RAPGEF1: variants seen among roughly 807,000 people sequenced by gnomAD.
RAPGEF1 encodes Rap guanine nucleotide exchange factor 1, also known as CRK SH3-binding GNRP.
A neutral mutation model predicts 143.3 loss-of-function variants in RAPGEF1; 33 were observed. The ratio of observed to expected loss-of-function variants is 0.23; its 90% CI spans 0.17 to 0.31. RAPGEF1 has a LOEUF of 0.31. RAPGEF1 is among the 10% of genes least tolerant of loss of function. The probability of loss-of-function intolerance (pLI) is 1.00; values close to 1 mark genes in which losing one functional copy is unlikely to be tolerated. For missense variants in RAPGEF1, 1,199 were observed against 1,645.4 expected, an observed-to-expected ratio of 0.73 and a Z score of 4.69; for synonymous variants, 629 against 676.5, an observed-to-expected ratio of 0.93 and a Z score of 1.09.
chr9:131,717,633 CATG>C (rs1234045250), intron 1 of RAPGEF1, among the ~76,000 whole-genome samples: 1 of 151,978 alleles, frequency 6.6e-6, no homozygotes, highest in African/African-American at 2.4e-5. Flanking sequence ...ATTAGCGAGG[CATG>C]GTGGTGCATG....
intron 4 of RAPGEF1, among the ~76,000 whole-genome samples, chr9:131,639,983 C>T (rs1406048643): frequency 2.0e-5 from 3 of 152,086 alleles, no homozygotes; most frequent in African/African-American, 7.2e-5. Flanking sequence ...AAAGGGTCGG[C>T]AGGAATGAAA....
chr9:131,585,074 G>A (rs1952491926), intron 22 of RAPGEF1, among the ~76,000 whole-genome samples: 1 of 152,204 alleles, frequency 6.6e-6, no homozygotes, highest in South Asian at 2.1e-4. Flanking sequence ...CAAAGCCAAA[G>A]GCCAGTCTCA....
intron 10 of RAPGEF1, 83 bp downstream of exon 10, chr9:131,625,839 T>C: frequency 1.4e-6 from 2 of 1,471,324 alleles, no homozygotes; most frequent in Non-Finnish European, 1.8e-6. Context: ...ACTGATTTGA[T>C]TCTGGTCTAA....
At chr9:131,587,526 C>G (rs1240943578) in intron 22 of RAPGEF1, among the ~76,000 whole-genome samples, 4 of 152,220 alleles carry the variant, frequency 2.6e-5, no homozygotes, top group Non-Finnish European at 5.9e-5. Flanking sequence ...GCTGAGCCTC[C>G]TCGACCAGGT....
chr9:131,581,917 G>A (rs1346753787), intron 25 of RAPGEF1, among the ~76,000 whole-genome samples: 1 of 152,178 alleles, frequency 6.6e-6, no homozygotes, highest in Non-Finnish European at 1.5e-5. Flanking sequence ...GGCCTCGAGG[G>A]CAGCCCTGCA....
intron 1 of RAPGEF1, among the ~76,000 whole-genome samples, chr9:131,719,499 G>A (rs1280824011): frequency 1.3e-5 from 2 of 150,870 alleles, no homozygotes; most frequent in Non-Finnish European, 1.5e-5. Flanking sequence ...ACTGGGCAGC[G>A]GCTTCAACCT....
At chr9:131,597,844 C>G (rs1955564127) in intron 16 of RAPGEF1, among the ~76,000 whole-genome samples, 1 of 152,108 alleles carries the variant, frequency 6.6e-6, no homozygotes, top group African/African-American at 2.4e-5. Flanking sequence ...ATTTTTTCAA[C>G]CACAGAAAAA....
intron 1 of RAPGEF1, among the ~76,000 whole-genome samples, chr9:131,660,002 T>C (rs886629110): frequency 6.6e-6 from 1 of 152,090 alleles, no homozygotes; most frequent in African/African-American, 2.4e-5. Flanking sequence ...GTATTTTCAG[T>C]AGAGACGGGG....
At chr9:131,630,946 GTT>G (rs60449367) in intron 5 of RAPGEF1, among the ~76,000 whole-genome samples, 4 of 147,652 alleles carry the variant, frequency 2.7e-5, no homozygotes, top group East Asian at 2.0e-4. Context: ...GTGCCCATGT[GTT>G]TTTTTTTTTA....
chr9:131,586,841 AACACACAC>A (rs71374111), intron 22 of RAPGEF1, among the ~76,000 whole-genome samples: 18 of 25,546 alleles, frequency 7.0e-4, no homozygotes, highest in African/African-American at 2.2e-3. Context: ...CTCCGTCTCA[AACACACAC>A]ACACACACAC....
intron 4 of RAPGEF1, among the ~76,000 whole-genome samples, chr9:131,642,045 A>T (rs976778622): frequency 1.3e-5 from 2 of 152,240 alleles, no homozygotes; most frequent in Non-Finnish European, 2.9e-5. Context: ...ATTTATCCTG[A>T]ACAGGTACCA....
In RAPGEF1 at chr9:131,628,043, T is replaced by C; in HGVS notation, c.1071A>G (p.Ser357=). The stretch of plus-strand genomic sequence containing the variant: ...AGAGGCGGGGCGACTCTCCACCATA[T>C]GAGTGGCTGCCTCCTGACAGTCGCC... The part of the protein sequence containing the change: ...AQRRLSGGSH[S]YGGESPRLSP... Residue 357 remains serine, a synonymous_variant, in exon 9 of 27, where the codon TCA becomes TCG. Coordinates refer to ENST00000683357, the MANE Select transcript of RAPGEF1 (RefSeq NM_001377935.1). The surrounding 1 kb of genome is among the most constrained non-coding windows in gnomAD (Gnocchi z 5.7). 6.4e-6 allele frequency: 10 copies of C among 1,567,250 alleles called. No homozygotes were observed. The highest frequency in any genetic ancestry group is 7.8e-6 in the Non-Finnish European group (9 of 1,156,468).
At chr9:131,722,859 CTA>C (rs768622659) in intron 1 of RAPGEF1, among the ~76,000 whole-genome samples, 1 of 151,898 alleles carries the variant, frequency 6.6e-6, no homozygotes, top group Non-Finnish European at 1.5e-5. Context: ...GAGCAAAACC[CTA>C]TCTCTATTTA....
chr9:131,649,200 A>ATTTTTTT (rs55813422), intron 3 of RAPGEF1, among the ~76,000 whole-genome samples: 5 of 87,250 alleles, frequency 5.7e-5, no homozygotes, highest in East Asian at 3.5e-4. Context: ...GCCTGGCTAA[A>ATTTTTTT]TTTTTTTTTT....
At position 131,578,672 on chromosome 9, in the gene RAPGEF1, G is replaced by T. The variant is rs1181855194; in HGVS notation, c.*825C>A. 6.6e-6 allele frequency: 1 copy of T among 152,326 alleles called. No individual in the cohort carries two copies. Among genetic ancestry groups the T allele is most frequent in the Non-Finnish European group, 1.5e-5 (1 of 68,114 alleles). 9.4% of individuals were successfully genotyped at this position (152,326 alleles called of 1,614,324 possible). ...TCTGGCCTCAGTTTGGTGAGGTTCA[G>T]AAGACTCCCAGCAATAAAAAGTATT... is the stretch of plus-strand genomic sequence containing the variant. On this transcript the variant is annotated 3_prime_UTR_variant, in exon 27 of 27. Coordinates refer to ENST00000683357, the MANE Select transcript of RAPGEF1 (RefSeq NM_001377935.1).
intron 12 of RAPGEF1, among the ~76,000 whole-genome samples, chr9:131,613,438 TGCAGGGTTGAGAA>T (rs1175045577): frequency 6.6e-6 from 1 of 152,038 alleles, no homozygotes; most frequent in Non-Finnish European, 1.5e-5. Flanking sequence ...ATAGTCTAGC[TGCAGGGTTGAGAA>T]GCAGGGAGGG....
chr9:131,713,186 G>A (rs909650492), intron 1 of RAPGEF1, among the ~76,000 whole-genome samples: 2 of 152,126 alleles, frequency 1.3e-5, no homozygotes, highest in African/African-American at 2.4e-5. Flanking sequence ...GCACAAATAC[G>A]CCGAGAACGC....
At chr9:131,728,878 G>A (rs1419134067) in intron 1 of RAPGEF1, among the ~76,000 whole-genome samples, 1 of 152,156 alleles carries the variant, frequency 6.6e-6, no homozygotes, top group African/African-American at 2.4e-5. Context: ...ACATCATCTC[G>A]TTTAATTCTC....
chr9:131,618,723 T>A (rs1959665344), intron 12 of RAPGEF1, among the ~76,000 whole-genome samples: 1 of 152,220 alleles, frequency 6.6e-6, no homozygotes, highest in Non-Finnish European at 1.5e-5. Flanking sequence ...TATATTCCTT[T>A]TTAATCCTGG....
Sources: allele counts gnomAD v4.1 joint callset (sites outside exome capture counted in the v4.1 genomes callset), GRCh38; gene constraint gnomAD v4.1.1; non-coding constraint Gnocchi (gnomAD v3.1); transcripts MANE v1.5; gene names NCBI Gene and HGNC (gene_info 2026-07-23, HGNC 2026-07-21).